The following GLB1 variants were observed in gnomAD, a reference collection of about 807,000 sequenced individuals.
GLB1 encodes beta-galactosidase.
A neutral mutation model predicts 74.0 loss-of-function variants in GLB1; 56 were observed. That is an observed-to-expected ratio of 0.76 (90% CI 0.61 to 0.94). The LOEUF (loss-of-function observed/expected upper bound fraction) is 0.94. Among genes scored for constraint, GLB1 ranks in the 40% least tolerant of loss-of-function variants. The pLI, the probability that GLB1 is intolerant of heterozygous loss-of-function variation, is 0.00. For missense variants in GLB1, 787 were observed against 845.5 expected (o/e 0.93, Z 0.86); for synonymous variants, 323 against 323.6 (o/e 1.00, Z 0.02).
Position 33,093,212 on chromosome 3 carries a change from C to A in GLB1, c.75+3799G>T. 1 of 1,613,822 alleles carries A rather than the reference C, an allele frequency of 6.2e-7. No individual in the cohort carries two copies. Among genetic ancestry groups the A allele is most frequent in the South Asian group, 1.1e-5 (1 of 91,048 alleles). The stretch of plus-strand genomic sequence containing the variant: ...TATCGTCCACCCCAGCCAAGCAGAT[C>A]CAGTCCTCATCCTCACTCCCACTGC... On this transcript the variant is annotated intron_variant, in intron 1 of 15. Transcript: ENST00000307363. The surrounding 1 kb of genome is among the most constrained non-coding windows in gnomAD (Gnocchi z 6.0).
In GLB1 at chr3:33,085,424, AT is replaced by A. The variant is rs539111171; in HGVS notation, c.75+11586del. 2.9e-3 allele frequency among the ~76,000 whole-genome samples: 439 copies of A among 152,292 alleles called. 5 individuals carry two copies. The highest frequency in any genetic ancestry group is 9.9e-3 in the Admixed American group (152 of 15,288). On this transcript the variant is annotated intron_variant, in intron 1 of 15. Coordinates refer to ENST00000307363, the MANE Select transcript of GLB1 (RefSeq NM_000404.4). Reference sequence around the variant, plus strand: ...ACAACTATTCTAAAAAATATAGTCCATTAAAAAACAATAAAATCCATAATCT... The same window carrying A: ...ACAACTATTCTAAAAAATATAGTCCATAAAAAACAATAAAATCCATAATCT...
chr3:33,065,908 C>T (rs907922038), intron 4 of GLB1, among the ~76,000 whole-genome samples: 4 of 144,216 alleles, frequency 2.8e-5, no homozygotes, highest in Non-Finnish European at 4.5e-5. Flanking sequence ...GCGGAGGTTG[C>T]GGTGAGCCAA....
chr3:33,022,583 T>TTTTTTTTTTTTTTTTTTTTTTA (rs1697544254), intron 11 of GLB1, among the ~76,000 whole-genome samples: 1 of 144,984 alleles, frequency 6.9e-6, no homozygotes, highest in Non-Finnish European at 1.5e-5. Flanking sequence ...TTTTTTTTTT[T>TTTTTTTTTTTTTTTTTTTTTTA]GAGAGAGTCT....
chr3:33,064,798 A>AAAAT (rs55752540), intron 5 of GLB1, among the ~76,000 whole-genome samples: 2 of 150,796 alleles, frequency 1.3e-5, no homozygotes, highest in Non-Finnish European at 3.0e-5. Context: ...AAAAAAAAAA[A>AAAAT]GAGCATCCAT....
At chr3:33,054,648 C>T (rs1575455330) in intron 6 of GLB1, among the ~76,000 whole-genome samples, 1 of 152,186 alleles carries the variant, frequency 6.6e-6, no homozygotes, top group African/African-American at 2.4e-5. Context: ...ATTGTGTTTA[C>T]CCCTGAATAA....
intron 1 of GLB1, among the ~76,000 whole-genome samples, chr3:33,075,902 G>C (rs531846832): frequency 2.0e-5 from 3 of 151,964 alleles, no homozygotes; most frequent in Non-Finnish European, 4.4e-5. Flanking sequence ...AAAATTAGCC[G>C]GGCGTGGTGG....
At position 33,093,738 on chromosome 3, in the gene GLB1, A is replaced by T; in HGVS notation, c.75+3273T>A. On this transcript the variant is annotated intron_variant, in intron 1 of 15. Coordinates refer to ENST00000307363, the MANE Select transcript of GLB1 (RefSeq NM_000404.4). This position sits in a 1 kb window ranked among gnomAD's most constrained non-coding sequence, Gnocchi z 6.0. The stretch of plus-strand genomic sequence containing the variant: ...CTTCCTTGTCTTCTCAAGGCTGCCC[A>T]CGACCCTACCACTGCGCCAGGCCAA... 3.1e-6 allele frequency: 5 copies of T among 1,613,942 alleles called. No homozygotes were observed. Among genetic ancestry groups the T allele is most frequent in the Non-Finnish European group, 4.2e-6 (5 of 1,179,896 alleles).
At position 33,058,322 on chromosome 3, in the gene GLB1, C is replaced by G. The variant is rs1322312967; in HGVS notation, c.553-53G>C. ...ATGAGGAGATCCTAATGTAGCCACC[C>G]TAATGCAAGCTTTTGTGTGGGAAAA... On this transcript the variant is annotated intron_variant, in intron 5 of 15. Transcript: ENST00000307363. 4 of 1,608,120 alleles carry G rather than the reference C, an allele frequency of 2.5e-6. No homozygotes were observed. In the African/African-American group the frequency reaches 5.3e-5, roughly 21 times the overall value.
chr3:33,024,504 C>G (rs1697647182), intron 10 of GLB1, 179 bp from the exon 11 acceptor site: 8 of 633,158 alleles, frequency 1.3e-5, no homozygotes, highest in Non-Finnish European at 2.1e-5. Flanking sequence ...TTTTTTACCT[C>G]TAAGTGTATG....
At chr3:33,015,099 T>C (rs1294991397) in intron 14 of GLB1, among the ~76,000 whole-genome samples, 1 of 152,142 alleles carries the variant, frequency 6.6e-6, no homozygotes, top group African/African-American at 2.4e-5. Context: ...GAGGTTGCAG[T>C]AAGCCGAGAT....
the GLB1 span, among the ~76,000 whole-genome samples, chr3:32,987,157 G>A: frequency 7.9e-5 from 12 of 152,296 alleles, no homozygotes; most frequent in Admixed American, 2.6e-4. Flanking sequence ...GGCAGCCTGC[G>A]GCCAATGGCT....
chr3:33,065,891 C>G (rs1425802507), intron 4 of GLB1, among the ~76,000 whole-genome samples: 1 of 145,740 alleles, frequency 6.9e-6, no homozygotes, highest in Admixed American at 7.2e-5. Context: ...TGCTTGAACC[C>G]GGGGGGGCGG....
rs547476160 is a variant in GLB1 at position 33,004,198 on chromosome 3, C to G, written c.1735-6854G>C. Among the ~76,000 whole-genome samples, 4 of 152,274 alleles carry G rather than the reference C, an allele frequency of 2.6e-5. No individual in the cohort carries two copies. In the East Asian group the frequency reaches 7.7e-4, roughly 29 times the overall value. ...TTGAACCCTGCTCAGTCGTGTGAAC[C>G]CTGCTAGTCATGTGAACAAGCCTAG... is the stretch of plus-strand genomic sequence containing the variant. On this transcript the variant is annotated intron_variant, in intron 15 of 15. Transcript: ENST00000307363.
intron 10 of GLB1, among the ~76,000 whole-genome samples, chr3:33,035,500 C>T (rs990430442): frequency 7.9e-5 from 12 of 152,050 alleles, no homozygotes; most frequent in African/African-American, 2.9e-4. Flanking sequence ...TTTGTGTCCT[C>T]CCAAAACTCA....
At chr3:33,081,808 C>T (rs763293870) in intron 1 of GLB1, among the ~76,000 whole-genome samples, 1 of 152,210 alleles carries the variant, frequency 6.6e-6, no homozygotes, top group Admixed American at 6.5e-5. Context: ...ATAAGCCACA[C>T]GTTTCTGTGG....
At chr3:32,981,325 G>A in the GLB1 span, among the ~76,000 whole-genome samples, 13 of 149,108 alleles carry the variant, frequency 8.7e-5, no homozygotes, top group Admixed American at 2.0e-4. Flanking sequence ...ACTTGAACCC[G>A]GGAGGTGGAG....
At chr3:33,044,699 T>C (rs1305060961) in intron 10 of GLB1, among the ~76,000 whole-genome samples, 3 of 152,168 alleles carry the variant, frequency 2.0e-5, no homozygotes, top group East Asian at 1.9e-4. Flanking sequence ...TTTAAAAAAT[T>C]TGTAATATTC....
At chr3:33,024,632 G>T (rs372375233) in intron 10 of GLB1, among the ~76,000 whole-genome samples, 1 of 151,996 alleles carries the variant, frequency 6.6e-6, no homozygotes, top group Non-Finnish European at 1.5e-5. Context: ...GGGAGTGGGA[G>T]GAAAAAAGGA....
chr3:33,056,626 G>GAATAGTAC (rs1699234753), intron 6 of GLB1, among the ~76,000 whole-genome samples: 1 of 151,926 alleles, frequency 6.6e-6, no homozygotes, highest in Admixed American at 6.6e-5. Flanking sequence ...AATGTTGTAA[G>GAATAGTAC]AATAGTACAA....
Sources: allele counts gnomAD v4.1 joint callset (sites outside exome capture counted in the v4.1 genomes callset), GRCh38; gene constraint gnomAD v4.1.1; non-coding constraint Gnocchi (gnomAD v3.1); transcripts MANE v1.5; gene names NCBI Gene and HGNC (gene_info 2026-07-23, HGNC 2026-07-21).